Variants in PECAM1 observed in about 807,000 individuals in gnomAD.
PECAM1 encodes platelet and endothelial cell adhesion molecule 1.
PECAM1 carries 8 observed loss-of-function variants against 13.8 expected under a neutral mutation model. That is an observed-to-expected ratio of 0.58 (90% CI 0.34 to 1.05). The LOEUF is 1.05. PECAM1 is among the 50% of genes least tolerant of loss of function. The pLI, the probability that PECAM1 is intolerant of heterozygous loss-of-function variation, is 0.03. For missense variants in PECAM1, 304 were observed against 141.2 expected, an observed-to-expected ratio of 2.15 and a Z score of -5.84; for synonymous variants, 136 against 52.6, an observed-to-expected ratio of 2.58 and a Z score of -6.86.
chr17:64,329,732 A>T lies in PECAM1; in HGVS notation c.2165-10T>A. On this transcript the variant is annotated splice_polypyrimidine_tract_variant and intron_variant, in intron 14 of 15. Coordinates refer to ENST00000563924, the MANE Select transcript of PECAM1 (RefSeq NM_000442.5). ...CTGCTTTCCACGGCATCTACAAAAC[A>T]AAGGATGACATGGCAGTGAGCAACG... 1 of 769,052 alleles carries T rather than the reference A, an allele frequency of 1.3e-6. No individual in the cohort carries two copies. The highest frequency in any genetic ancestry group is 1.4e-5 in the South Asian group (1 of 72,598). The allele number at this position is 769,052 out of a possible 1,614,324, so 47.6% of individuals were successfully genotyped here. A position where few individuals can be genotyped will look rare whatever the true frequency, so the allele number is the denominator to read the frequency against.
At chr17:64,329,834 C>T (rs1359919988) in intron 14 of PECAM1, 112 bp from the exon 15 acceptor site, 2 of 713,884 alleles carry the variant, frequency 2.8e-6, no homozygotes, top group African/African-American at 3.5e-5. Context: ...GAGGCGAGAG[C>T]CAGGAGACAT....
chr17:64,326,799 C>T (rs2034970746), intron 15 of PECAM1, among the ~76,000 whole-genome samples: 3 of 152,220 alleles, frequency 2.0e-5, no homozygotes, highest in Admixed American at 2.0e-4. Flanking sequence ...AGAAGCCAGC[C>T]ATCAGCCACC....
At chr17:64,344,983 C>T (rs1230232798) in intron 13 of PECAM1, among the ~76,000 whole-genome samples, 1 of 152,204 alleles carries the variant, frequency 6.6e-6, no homozygotes, top group Non-Finnish European at 1.5e-5. Context: ...ACCGCCTCTG[C>T]TTCACCCAAT....
At chr17:64,335,081 C>T (rs965934829) in intron 14 of PECAM1, among the ~76,000 whole-genome samples, 77 of 152,054 alleles carry the variant, frequency 5.1e-4, no homozygotes, top group East Asian at 2.5e-3. Context: ...TTTTCGGCAC[C>T]GCTCCAGACC....
At chr17:64,368,473 C>A (rs906657942) in intron 5 of PECAM1, among the ~76,000 whole-genome samples, 15 of 152,206 alleles carry the variant, frequency 9.9e-5, no homozygotes, top group Admixed American at 8.5e-4. Context: ...GAGTTACTAA[C>A]CTCACAGTCT....
At position 64,323,528 on chromosome 17, in the gene PECAM1, T is replaced by C. The variant is rs868926469; in HGVS notation, c.*288A>G. The C allele has an allele frequency of 7.2e-7, 1 of 1,380,436 alleles. No homozygotes were observed. The highest frequency in any genetic ancestry group is 1.6e-5 in the South Asian group (1 of 64,228). 85.5% of individuals were successfully genotyped at this position (1,380,436 alleles called of 1,614,324 possible). The stretch of plus-strand genomic sequence containing the variant: ...ATATTCAAGTTTCAGAATATCCCAA[T>C]GGCCTTGCCCTGGATCTCCTCTTGT... On this transcript the variant is annotated 3_prime_UTR_variant, in exon 16 of 16. Coordinates refer to ENST00000563924, the MANE Select transcript of PECAM1 (RefSeq NM_000442.5).
intron 13 of PECAM1, 81 bp downstream of exon 13, chr17:64,348,179 T>C (rs1456591759): frequency 2.2e-6 from 1 of 462,210 alleles, no homozygotes; most frequent in Admixed American, 3.4e-5. Context: ...CTCTTCTCAC[T>C]GAACACAGCA....
chr17:64,358,285 A>G (rs1322533989), intron 7 of PECAM1, among the ~76,000 whole-genome samples: 1 of 151,798 alleles, frequency 6.6e-6, no homozygotes, highest in Non-Finnish European at 1.5e-5. Flanking sequence ...CGCTGGGCTA[A>G]TTTTTGTATT....
chr17:64,345,825 AAC>A (rs1243911080), intron 13 of PECAM1, among the ~76,000 whole-genome samples: 213 of 152,002 alleles, frequency 1.4e-3, no homozygotes, highest in African/African-American at 4.9e-3. Context: ...GGCAGTACAC[AAC>A]CCCCGGGGGC....
chr17:64,376,491 C>G (rs1254831569), intron 3 of PECAM1, among the ~76,000 whole-genome samples: 3 of 152,070 alleles, frequency 2.0e-5, no homozygotes, highest in African/African-American at 7.2e-5. Flanking sequence ...TGTTGTTACC[C>G]TTTATTGAAT....
chr17:64,360,986 C>T (rs1270753563), intron 6 of PECAM1, among the ~76,000 whole-genome samples: 1 of 151,876 alleles, frequency 6.6e-6, no homozygotes, highest in East Asian at 1.9e-4. Context: ...CCACACCTGG[C>T]TAATTCTTTA....
intron 14 of PECAM1, among the ~76,000 whole-genome samples, chr17:64,340,860 G>A (rs1181615303): frequency 2.6e-5 from 4 of 152,180 alleles, no homozygotes; most frequent in Non-Finnish European, 4.4e-5. Context: ...CACTTTGGGA[G>A]GCCGAGGCGC....
At chr17:64,360,487 C>T (rs2035947352) in intron 6 of PECAM1, 72 bp from the exon 7 acceptor site, 1 of 447,790 alleles carries the variant, frequency 2.2e-6, no homozygotes, top group Admixed American at 3.8e-5. Flanking sequence ...AGAGGTTCCT[C>T]CTCCAAAGCC....
chr17:64,358,109 G>GTTTT (rs1555650936), intron 7 of PECAM1, among the ~76,000 whole-genome samples: 3 of 63,628 alleles, frequency 4.7e-5, no homozygotes, highest in Admixed American at 2.6e-4. Context: ...TTTGGCCACA[G>GTTTT]TCTTTTTTTT....
At chr17:64,364,290 T>C (rs2036052154) in intron 5 of PECAM1, among the ~76,000 whole-genome samples, 1 of 152,144 alleles carries the variant, frequency 6.6e-6, no homozygotes. Flanking sequence ...GTTGAATCTC[T>C]GAATAGACCA....
intron 14 of PECAM1, among the ~76,000 whole-genome samples, chr17:64,341,264 CA>C (rs1397695290): frequency 0.018 from 2,501 of 136,008 alleles, 60 homozygotes; most frequent in African/African-American, 0.059. Context: ...ACTCCATATC[CA>C]AAAAAAAAAA....
intron 2 of PECAM1, among the ~76,000 whole-genome samples, chr17:64,387,269 G>A (rs1307202566): frequency 1.3e-5 from 2 of 152,194 alleles, no homozygotes; most frequent in African/African-American, 4.8e-5. Flanking sequence ...AGCAAGAGGA[G>A]ACCCAACAGC....
chr17:64,330,360 C>T (rs547947639), intron 14 of PECAM1, among the ~76,000 whole-genome samples: 5 of 151,110 alleles, frequency 3.3e-5, no homozygotes, highest in South Asian at 2.1e-4. Flanking sequence ...TGTAGTATCA[C>T]GGCTGGGTGT....
chr17:64,358,897 A>G (rs1049576510), intron 7 of PECAM1, among the ~76,000 whole-genome samples: 5 of 151,858 alleles, frequency 3.3e-5, no homozygotes, highest in Admixed American at 6.6e-5. Flanking sequence ...CCCAGGTTCA[A>G]ATGATTCTTG....
Sources: gnomAD v4.1 joint callset for allele counts (sites outside exome capture counted in the v4.1 genomes callset) on GRCh38, gnomAD v4.1.1 for gene constraint, MANE v1.5 for transcripts, NCBI Gene and HGNC (gene_info 2026-07-23, HGNC 2026-07-21) for gene names.